Variants in ARMH4 observed in about 807,000 individuals in gnomAD.
The protein encoded by ARMH4 is armadillo like helical domain containing 4, also known as armadillo-like helical domain-containing protein 4.
In ARMH4, 49 loss-of-function variants were observed where a neutral mutation model predicts 61.9. The observed-to-expected ratio is 0.79, with a 90% CI of 0.63 to 1.00. The LOEUF is 1.00. Among genes scored for constraint, ARMH4 ranks in the 50% least tolerant of loss-of-function variants. The pLI is 0.00. For missense variants in ARMH4, 934 were observed against 930.0 expected (o/e 1.00, Z -0.06); for synonymous variants, 368 against 341.5 (o/e 1.08, Z -0.85).
rs188375726 is a variant in ARMH4, at chr14:58,001,978, G to C, written c.*2758C>G. On this transcript the variant is annotated 3_prime_UTR_variant, in exon 8 of 8. Transcript: ENST00000267485. ...CCCTCCTTTCCAGACAGCTTTATTT[G>C]TTTCACTGTTAAATGTTTTAAGCCT... 6.6e-6 allele frequency: 1 copy of C among 152,278 alleles called. No homozygotes were observed. The highest frequency in any genetic ancestry group is 2.4e-5 in the African/African-American group (1 of 41,544). The allele number at this position is 152,278 out of a possible 1,614,324, so 9.4% of individuals were successfully genotyped here. A position where few individuals can be genotyped will look rare whatever the true frequency, so the allele number is the denominator to read the frequency against.
chr14:58,031,096 G>A (rs575349390), intron 5 of ARMH4, among the ~76,000 whole-genome samples: 40 of 152,172 alleles, frequency 2.6e-4, no homozygotes, highest in Non-Finnish European at 4.6e-4. Flanking sequence ...ACCAGGTACT[G>A]GGCCAGAAAA....
chr14:58,136,446 A>G (rs1887303495), intron 2 of ARMH4, among the ~76,000 whole-genome samples: 1 of 152,184 alleles, frequency 6.6e-6, no homozygotes. Context: ...ACCCAACTCC[A>G]TGTAAAAACC....
chr14:58,015,013 G>C (rs984314612), intron 5 of ARMH4, among the ~76,000 whole-genome samples: 1 of 152,204 alleles, frequency 6.6e-6, no homozygotes, highest in African/African-American at 2.4e-5. Context: ...TGGAGAAGAG[G>C]AAAAGGAGGC....
intron 5 of ARMH4, among the ~76,000 whole-genome samples, chr14:58,040,149 C>A (rs777347124): frequency 3.9e-5 from 6 of 152,094 alleles, no homozygotes; most frequent in Admixed American, 6.5e-5. Flanking sequence ...GGGTTCTTAG[C>A]ACCCTAAATT....
chr14:58,055,196 G>A (rs1009085443), intron 5 of ARMH4, among the ~76,000 whole-genome samples: 7 of 152,236 alleles, frequency 4.6e-5, no homozygotes, highest in Non-Finnish European at 8.8e-5. Flanking sequence ...AAAATAAAGC[G>A]CTAAGAAAAA....
At position 58,131,625 on chromosome 14, in the gene ARMH4, A is replaced by ATTT. The variant is rs1203575416; in HGVS notation, c.1717_1718insAAA (p.Ser572_Ile573insLys). 60 of 1,614,042 alleles carry ATTT rather than the reference A, an allele frequency of 3.7e-5. 1 individual carries two copies. Among genetic ancestry groups the ATTT allele is most frequent in the Non-Finnish European group, 4.5e-5 (53 of 1,180,002 alleles). ...CTCCAAAGCAGGAAGTGCAGGGGAAATGCTGGGTTCCCCCACCATTATTCC... is the reference window on the plus strand; with the variant it reads ...CTCCAAAGCAGGAAGTGCAGGGGAAATTTTGCTGGGTTCCCCCACCATTATTCC... On this transcript the variant is annotated inframe_insertion, in exon 4 of 8. Transcript: ENST00000267485.
chr14:58,005,526 T>C (rs984865643), intron 6 of ARMH4, among the ~76,000 whole-genome samples: 9 of 152,162 alleles, frequency 5.9e-5, no homozygotes, highest in South Asian at 2.1e-4. Context: ...CCTCTGAGAA[T>C]GCCAGGACTA....
chr14:58,094,610 C>A (rs1885687013), intron 5 of ARMH4, among the ~76,000 whole-genome samples: 1 of 152,006 alleles, frequency 6.6e-6, no homozygotes, highest in African/African-American at 2.4e-5. Flanking sequence ...TTATATATAA[C>A]AAAGAACAAA....
At chr14:58,097,476 G>A (rs1885792979) in intron 4 of ARMH4, among the ~76,000 whole-genome samples, 1 of 152,096 alleles carries the variant, frequency 6.6e-6, no homozygotes, top group South Asian at 2.1e-4. Context: ...GGTAAGTGAG[G>A]AGCACATAAA....
intron 4 of ARMH4, 44 bp downstream of exon 4, chr14:58,131,468 C>G (rs1887092050): frequency 1.3e-6 from 2 of 1,486,714 alleles, no homozygotes; most frequent in South Asian, 1.1e-5. Flanking sequence ...CTCAGTGACT[C>G]ACTCAACCAG....
rs540236245 is a variant in ARMH4, at chr14:58,143,254, T to C, written c.-56-3840A>G. ...TGGAATGACAGCACGAGTACAATAG[T>C]GTCATGTGCAGAAAAGAAACAGCCT... On this transcript the variant is annotated intron_variant, in intron 1 of 7. Coordinates refer to ENST00000267485, the MANE Select transcript of ARMH4 (RefSeq NM_001001872.4). Among the ~76,000 whole-genome samples the C allele has an allele frequency of 2.7e-4, 41 of 152,256 alleles. 1 individual carries two copies. Among genetic ancestry groups the C allele is most frequent in the Middle Eastern group, 3.4e-3 (1 of 294 alleles).
intron 4 of ARMH4, among the ~76,000 whole-genome samples, chr14:58,128,160 C>T (rs749122268): frequency 3.3e-5 from 5 of 152,098 alleles, no homozygotes; most frequent in East Asian, 1.9e-4. Context: ...ATACAGAAAG[C>T]GGGACTTCTT....
intron 4 of ARMH4, among the ~76,000 whole-genome samples, chr14:58,122,244 C>T (rs1213408751): frequency 6.6e-6 from 1 of 152,184 alleles, no homozygotes; most frequent in African/African-American, 2.4e-5. Context: ...AAAAATCACT[C>T]AAACTTGGTT....
At chr14:58,031,582 T>C (rs888024998) in intron 5 of ARMH4, among the ~76,000 whole-genome samples, 5 of 152,210 alleles carry the variant, frequency 3.3e-5, no homozygotes, top group East Asian at 1.9e-4. Context: ...CCAAGACTTG[T>C]GCGAGGTTTT....
chr14:58,082,075 T>C (rs1885246761), intron 5 of ARMH4, among the ~76,000 whole-genome samples: 1 of 152,190 alleles, frequency 6.6e-6, no homozygotes, highest in Admixed American at 6.5e-5. Context: ...AGGCAATAAC[T>C]GTAAATCTCC....
At chr14:58,133,027 C>T in intron 3 of ARMH4, 63 bp downstream of exon 3, 1 of 1,580,904 alleles carries the variant, frequency 6.3e-7, no homozygotes, top group Middle Eastern at 1.7e-4. Context: ...TCATTCTATT[C>T]CTAGTCCACT....
intron 5 of ARMH4, among the ~76,000 whole-genome samples, chr14:58,049,062 C>A (rs372322785): frequency 6.6e-6 from 1 of 151,634 alleles, no homozygotes; most frequent in Non-Finnish European, 1.5e-5. Flanking sequence ...ATGGTGAAAC[C>A]CCATCTCTAT....
chr14:58,014,077 C>G (rs967398550), intron 5 of ARMH4, among the ~76,000 whole-genome samples: 1 of 151,892 alleles, frequency 6.6e-6, no homozygotes, highest in Non-Finnish European at 1.5e-5. Flanking sequence ...GATTTTAAAA[C>G]CCAGGAGTAA....
chr14:58,135,577 A>AT (rs1241136316), intron 2 of ARMH4, among the ~76,000 whole-genome samples: 2 of 152,118 alleles, frequency 1.3e-5, no homozygotes, highest in Non-Finnish European at 2.9e-5. Context: ...TAGTAATAAA[A>AT]TTTTTTAAAA....
Sources: allele counts gnomAD v4.1 joint callset (sites outside exome capture counted in the v4.1 genomes callset), GRCh38; gene constraint gnomAD v4.1.1; transcripts MANE v1.5; gene names NCBI Gene and HGNC (gene_info 2026-07-23, HGNC 2026-07-21).